RAP1A: variants seen among roughly 807,000 people sequenced by gnomAD.
RAP1A encodes RAP1A, member of RAS oncogene family, also known as ras-related protein Rap-1A.
A neutral mutation model predicts 26.4 loss-of-function variants in RAP1A; 6 were observed. The ratio of observed to expected loss-of-function variants is 0.23; its 90% confidence interval spans 0.12 to 0.45. RAP1A has a LOEUF of 0.45. Ranked by LOEUF, RAP1A falls within the 20% of genes least tolerant of loss-of-function variation. RAP1A has a pLI of 0.99. For synonymous variants in RAP1A, 73 were observed against 79.4 expected, an observed-to-expected ratio of 0.92 and a Z score of 0.43; for missense variants, 121 against 217.2, an observed-to-expected ratio of 0.56 and a Z score of 2.78.
chr1:111,653,772 G>T (rs1291342998), intron 1 of RAP1A, among the ~76,000 whole-genome samples: 1 of 150,918 alleles, frequency 6.6e-6, no homozygotes, highest in Non-Finnish European at 1.5e-5. Context: ...AGATTAAGTA[G>T]TATAAAAGAG....
chr1:111,697,597 C>A, intron 4 of RAP1A, 100 bp downstream of exon 4: 2 of 1,547,564 alleles, frequency 1.3e-6, no homozygotes, highest in South Asian at 2.4e-5. Flanking sequence ...TAAAAGTAAT[C>A]ATTCTGATTA....
intron 1 of RAP1A, among the ~76,000 whole-genome samples, chr1:111,585,075 T>A (rs934377626): frequency 2.0e-5 from 3 of 152,214 alleles, no homozygotes; most frequent in Admixed American, 2.0e-4. Flanking sequence ...AAGAGATAAG[T>A]CTGTCTCTAG....
At chr1:111,609,947 G>T (rs1193104008) in intron 1 of RAP1A, among the ~76,000 whole-genome samples, 3 of 152,130 alleles carry the variant, frequency 2.0e-5, no homozygotes, top group Non-Finnish European at 4.4e-5. Context: ...CATCTGGCCT[G>T]ATTGACTTTC....
At chr1:111,612,013 GTTT>G (rs36008061) in intron 1 of RAP1A, among the ~76,000 whole-genome samples, 1 of 144,104 alleles carries the variant, frequency 6.9e-6, no homozygotes. Flanking sequence ...ACGTGCTTGA[GTTT>G]TTTTTTTTTT....
intron 1 of RAP1A, among the ~76,000 whole-genome samples, chr1:111,686,859 A>G (rs995577968): frequency 3.6e-4 from 54 of 152,092 alleles, no homozygotes; most frequent in Admixed American, 6.5e-4. Flanking sequence ...TTATATCTAT[A>G]TATCTTTTTT....
chr1:111,543,634 AGGAAGAGAAGGAGGAATAGGAGG>A (rs1656927501), intron 1 of RAP1A, among the ~76,000 whole-genome samples: 1 of 148,970 alleles, frequency 6.7e-6, no homozygotes, highest in Admixed American at 6.7e-5. Flanking sequence ...GAATAGGAGG[AGGAAGAGAAGGAGGAATAGGAGG>A]AGGAAGAAGA....
chr1:111,631,426 G>A (rs1659565151), intron 1 of RAP1A, among the ~76,000 whole-genome samples: 1 of 152,162 alleles, frequency 6.6e-6, no homozygotes, highest in African/African-American at 2.4e-5. Context: ...ATGTTTTTGA[G>A]TGTAGACCCC....
At chr1:111,626,079 G>A (rs1259805771) in intron 1 of RAP1A, among the ~76,000 whole-genome samples, 2 of 152,108 alleles carry the variant, frequency 1.3e-5, no homozygotes, top group African/African-American at 4.8e-5. Flanking sequence ...AGTTTATTTT[G>A]TTTGCCACAG....
chr1:111,623,978 G>A (rs976548658), intron 1 of RAP1A, among the ~76,000 whole-genome samples: 5 of 152,066 alleles, frequency 3.3e-5, no homozygotes, highest in East Asian at 1.9e-4. Context: ...TTCTAATCTC[G>A]TGATTCTAAA....
At chr1:111,669,269 A>G (rs868636567) in intron 1 of RAP1A, among the ~76,000 whole-genome samples, 2 of 152,184 alleles carry the variant, frequency 1.3e-5, no homozygotes, top group Admixed American at 1.3e-4. Context: ...TAGTGGATAT[A>G]TTAGTTGGAT....
chr1:111,556,753 T>C (rs1023800252), intron 1 of RAP1A, among the ~76,000 whole-genome samples: 14 of 152,112 alleles, frequency 9.2e-5, no homozygotes, highest in Non-Finnish European at 1.5e-4. Flanking sequence ...GAGTGGATAG[T>C]TAGTGTTTAA....
chr1:111,696,264 T>A (rs1661824975), intron 3 of RAP1A, among the ~76,000 whole-genome samples: 1 of 152,204 alleles, frequency 6.6e-6, no homozygotes, highest in African/African-American at 2.4e-5. Context: ...AAGATTAAAC[T>A]TTAATAGGAA....
At chr1:111,651,110 T>C (rs1660254923) in intron 1 of RAP1A, among the ~76,000 whole-genome samples, 1 of 152,192 alleles carries the variant, frequency 6.6e-6, no homozygotes, top group South Asian at 2.1e-4. Flanking sequence ...CTTCACCTTA[T>C]AGTTTCATAC....
intron 1 of RAP1A, chr1:111,599,773 T>G (rs1658634078): frequency 6.6e-6 from 1 of 152,182 alleles, no homozygotes; most frequent in South Asian, 2.1e-4. Flanking sequence ...TTTGGATGTT[T>G]GTCCCCCCCA....
chr1:111,547,164 T>C (rs1260100065), intron 1 of RAP1A, among the ~76,000 whole-genome samples: 1 of 152,176 alleles, frequency 6.6e-6, no homozygotes, highest in African/African-American at 2.4e-5. Context: ...TAATTTTCTT[T>C]TTTTTCATGA....
intron 1 of RAP1A, among the ~76,000 whole-genome samples, chr1:111,662,639 A>G (rs542853262): frequency 7.9e-5 from 12 of 152,298 alleles, no homozygotes; most frequent in Admixed American, 3.9e-4. Flanking sequence ...CAGCGATTCT[A>G]ATAGTTTTCT....
chr1:111,655,883 C>A (rs560031056), intron 1 of RAP1A, among the ~76,000 whole-genome samples: 4 of 151,424 alleles, frequency 2.6e-5, no homozygotes, highest in Non-Finnish European at 5.9e-5. Flanking sequence ...TTAGTAGAGA[C>A]GGGGTTTCAC....
intron 1 of RAP1A, among the ~76,000 whole-genome samples, chr1:111,684,675 A>G (rs1457289549): frequency 6.6e-6 from 1 of 152,224 alleles, no homozygotes; most frequent in Non-Finnish European, 1.5e-5. Context: ...CATGGATAGG[A>G]AGAATCAATA....
intron 4 of RAP1A, among the ~76,000 whole-genome samples, chr1:111,700,224 C>T (rs150987041): frequency 6.0e-4 from 91 of 152,128 alleles, no homozygotes; most frequent in African/African-American, 2.1e-3. Flanking sequence ...TGTATTAGGC[C>T]GTTTGCATTA....
Sources: gnomAD v4.1 joint callset for allele counts (sites outside exome capture counted in the v4.1 genomes callset) on GRCh38, gnomAD v4.1.1 for gene constraint, MANE v1.5 for transcripts, NCBI Gene and HGNC (gene_info 2026-07-23, HGNC 2026-07-21) for gene names.